NEMP2: variants seen among roughly 807,000 people sequenced by gnomAD.
NEMP2 encodes the protein nuclear envelope integral membrane protein 2.
NEMP2 carries 53 observed loss-of-function variants against 54.2 expected under a neutral mutation model. The ratio of observed to expected loss-of-function variants is 0.98; its 90% confidence interval spans 0.78 to 1.23. NEMP2 has a LOEUF of 1.23. NEMP2 is among the 50% of genes most tolerant of loss of function. The pLI, the probability that NEMP2 is intolerant of heterozygous loss-of-function variation, is 0.00. For synonymous variants in NEMP2, 197 were observed against 190.3 expected (o/e 1.04, Z -0.29); for missense variants, 455 against 511.3 (o/e 0.89, Z 1.06).
At chr2:190,490,517 A>T in the NEMP2 span, among the ~76,000 whole-genome samples, 1 of 152,006 alleles carries the variant, frequency 6.6e-6, no homozygotes, top group Non-Finnish European at 1.5e-5. The surrounding 1 kb of genome is among the most constrained non-coding windows in gnomAD (Gnocchi z 4.5). Flanking sequence ...GAGCCGAGAT[A>T]GCACCACTGC....
the NEMP2 span, chr2:190,620,340 G>A: frequency 6.6e-6 from 1 of 152,178 alleles, no homozygotes; most frequent in African/African-American, 2.4e-5. This position sits in a 1 kb window ranked among gnomAD's most constrained non-coding sequence, Gnocchi z 4.9. Context: ...CTCTCATGTG[G>A]TGGGAGATAT....
At chr2:190,614,034 A>G in the NEMP2 span, among the ~76,000 whole-genome samples, 1 of 138,722 alleles carries the variant, frequency 7.2e-6, no homozygotes, top group African/African-American at 2.5e-5. This position sits in a 1 kb window ranked among gnomAD's most constrained non-coding sequence, Gnocchi z 5.7. Flanking sequence ...CCAATTAATT[A>G]GAACTCTTTT....
the NEMP2 span, chr2:190,624,378 G>A: frequency 6.6e-6 from 1 of 152,162 alleles, no homozygotes; most frequent in Non-Finnish European, 1.5e-5. Context: ...CTATAAAACA[G>A]TATAGAAGTT....
Position 190,534,618 on chromosome 2 carries a change from C to G in NEMP2, c.38G>C (p.Trp13Ser). Residue 13 changes from tryptophan (W) to serine (S), a missense_variant, in exon 1 of 9, where the codon TGG becomes TCG. By Grantham distance (177) the Trp-to-Ser change is radical. Coordinates refer to ENST00000409150, the MANE Select transcript of NEMP2 (RefSeq NM_001142645.2). ...GGGCAGTGTGGCCAGGGGCGGCAGCCAGAGCAGCAGCCACCACCGCCCTTG... is the reference window on the plus strand; with the variant it reads ...GGGCAGTGTGGCCAGGGGCGGCAGCGAGAGCAGCAGCCACCACCGCCCTTG... ...PRQGRWWLLL[W>S]LPPLATLPVR... is the part of the protein sequence containing the mutation. 2 of 1,373,152 alleles carry G rather than the reference C, an allele frequency of 1.5e-6. No individual in the cohort carries two copies. The highest frequency in any genetic ancestry group is 3.1e-5 in the East Asian group (1 of 32,564). The allele number at this position is 1,373,152 out of a possible 1,614,324, so 85.1% of individuals were successfully genotyped here. A position where few individuals can be genotyped will look rare whatever the true frequency, so the allele number is the denominator to read the frequency against.
chr2:190,644,807 A>G, the NEMP2 span, among the ~76,000 whole-genome samples: 2 of 152,290 alleles, frequency 1.3e-5, no homozygotes, highest in African/African-American at 4.8e-5. The surrounding 1 kb of genome is among the most constrained non-coding windows in gnomAD (Gnocchi z 4.4). Flanking sequence ...TGGGCTTAAT[A>G]CCTGGGTTAT....
At chr2:190,534,521 C>G in intron 1 of NEMP2, 38 bp downstream of exon 1, 1 of 1,367,210 alleles carries the variant, frequency 7.3e-7, no homozygotes, top group Non-Finnish European at 9.4e-7. Flanking sequence ...GGGGAGCGAG[C>G]ACGCACGCGC....
chr2:190,555,424 A>G, the NEMP2 span, among the ~76,000 whole-genome samples: 1 of 152,090 alleles, frequency 6.6e-6, no homozygotes, highest in African/African-American at 2.4e-5. This position sits in a 1 kb window ranked among gnomAD's most constrained non-coding sequence, Gnocchi z 4.8. Context: ...ATAGCCTTGA[A>G]AAAAGGTTAG....
At chr2:190,496,121 A>G in the NEMP2 span, among the ~76,000 whole-genome samples, 1 of 152,068 alleles carries the variant, frequency 6.6e-6, no homozygotes, top group African/African-American at 2.4e-5. The surrounding 1 kb of genome is among the most constrained non-coding windows in gnomAD (Gnocchi z 4.7). Flanking sequence ...AGAATCTATG[A>G]CGAACTCAAA....
chr2:190,586,286 CAAT>C, the NEMP2 span, among the ~76,000 whole-genome samples: 115 of 152,262 alleles, frequency 7.6e-4, no homozygotes, highest in African/African-American at 2.6e-3. The surrounding 1 kb of genome is among the most constrained non-coding windows in gnomAD (Gnocchi z 4.5). Flanking sequence ...GATTGATACT[CAAT>C]GATGAATGAA....
the NEMP2 span, chr2:190,469,579 A>G: frequency 3.1e-6 from 1 of 323,886 alleles, no homozygotes; most frequent in Admixed American, 4.7e-5. This position sits in a 1 kb window ranked among gnomAD's most constrained non-coding sequence, Gnocchi z 5.3. Context: ...GCTTAAATGT[A>G]ATTGTCCTTC....
chr2:190,473,785 C>T, the NEMP2 span, among the ~76,000 whole-genome samples: 33 of 151,984 alleles, frequency 2.2e-4, no homozygotes, highest in Non-Finnish European at 4.0e-4. Context: ...CAGCACCACA[C>T]CTATTCCAAA....
chr2:190,556,063 A>T, the NEMP2 span, among the ~76,000 whole-genome samples: 2 of 152,260 alleles, frequency 1.3e-5, no homozygotes, highest in Non-Finnish European at 2.9e-5. Flanking sequence ...ATGAACATTG[A>T]TGCGAAAATC....
the NEMP2 span, among the ~76,000 whole-genome samples, chr2:190,574,703 CTTTT>C: frequency 6.6e-6 from 1 of 151,780 alleles, no homozygotes; most frequent in East Asian, 1.9e-4. Context: ...TTCTTTCTTT[CTTTT>C]TTCTTTCTCT....
At chr2:190,475,555 T>TAA in the NEMP2 span, among the ~76,000 whole-genome samples, 1 of 152,026 alleles carries the variant, frequency 6.6e-6, no homozygotes, top group African/African-American at 2.4e-5. Flanking sequence ...CTCAATGAAA[T>TAA]AAAAGAGGAT....
upstream of NEMP2, among the ~76,000 whole-genome samples, chr2:190,536,874 C>T (rs893276719): frequency 1.3e-5 from 2 of 152,194 alleles, no homozygotes; most frequent in African/African-American, 4.8e-5. Flanking sequence ...TAGATTGACT[C>T]AACTACCCAC....
At chr2:190,436,691 A>G in the NEMP2 span, 1 of 1,614,094 alleles carries the variant, frequency 6.2e-7, no homozygotes, top group Non-Finnish European at 8.5e-7. This position sits in a 1 kb window ranked among gnomAD's most constrained non-coding sequence, Gnocchi z 5.3. Flanking sequence ...CCAAACATGA[A>G]CAGTGAACCC....
In NEMP2 at chr2:190,509,278, A is replaced by G. The variant is rs1690274181; in HGVS notation, c.1165T>C (p.Ser389Pro). 1 of 1,551,648 alleles carries G rather than the reference A, an allele frequency of 6.4e-7. No homozygotes were observed. The highest frequency in any genetic ancestry group is 2.0e-5 in the Admixed American group (1 of 50,990). Reference sequence around the variant, plus strand: ...TCATGCAGACTGATTTCTTCAGGTGACAAGTGGCTTCCTCCAAGAACAAAG... The same window carrying G: ...TCATGCAGACTGATTTCTTCAGGTGGCAAGTGGCTTCCTCCAAGAACAAAG... ...ADFVLGGSHL[S>P]PEEISLHEEQ... The change falls in exon 9 of 9, where the codon TCA becomes CCA. Residue 389 changes from serine (S) to proline (P), a missense_variant. By Grantham distance (74) the Ser-to-Pro change is moderately conservative (BLOSUM62 -1). Coordinates refer to ENST00000409150, the MANE Select transcript of NEMP2 (RefSeq NM_001142645.2). This position sits in a 1 kb window ranked among gnomAD's most constrained non-coding sequence, Gnocchi z 6.1.
the NEMP2 span, among the ~76,000 whole-genome samples, chr2:190,453,439 G>A: frequency 3.9e-5 from 6 of 152,310 alleles, no homozygotes; most frequent in African/African-American, 1.4e-4. Context: ...GGCATGTAGA[G>A]AACAGCTCCA....
the NEMP2 span, among the ~76,000 whole-genome samples, chr2:190,598,926 T>C: frequency 6.6e-6 from 1 of 152,216 alleles, no homozygotes; most frequent in Admixed American, 6.5e-5. Flanking sequence ...TTTATATTTT[T>C]CTCCAAATAA....
Sources: gnomAD v4.1 joint callset for allele counts (sites outside exome capture counted in the v4.1 genomes callset) on GRCh38, gnomAD v4.1.1 for gene constraint, Gnocchi (gnomAD v3.1) non-coding constraint, MANE v1.5 for transcripts, NCBI Gene and HGNC (gene_info 2026-07-23, HGNC 2026-07-21) for gene names.